The following PAX7 variants were observed in gnomAD, a reference collection of about 807,000 sequenced individuals.
The protein encoded by PAX7 is paired box protein Pax-7.
A neutral mutation model predicts 50.7 loss-of-function variants in PAX7; 18 were observed. The observed-to-expected ratio is 0.36, with a 90% CI of 0.25 to 0.53. PAX7 has a LOEUF of 0.53. PAX7 is among the 20% of genes least tolerant of loss of function. The probability of loss-of-function intolerance (pLI) is 0.93; values close to 1 mark genes in which losing one functional copy is unlikely to be tolerated. For synonymous variants in PAX7, 310 were observed against 290.4 expected, an observed-to-expected ratio of 1.07 and a Z score of -0.69; for missense variants, 644 against 702.9, an observed-to-expected ratio of 0.92 and a Z score of 0.95.
In PAX7 at chr1:18,700,543, T is replaced by G. The variant is rs868289035; in HGVS notation, c.787-110T>G. The stretch of plus-strand genomic sequence containing the variant: ...CACAATGCCGGGGCCTGCAGGAGGA[T>G]GCTGGCTGGATCAGAGGGTGATGGC... On this transcript the variant is annotated intron_variant, in intron 5 of 8. Transcript: ENST00000420770. This position sits in a 1 kb window ranked among gnomAD's most constrained non-coding sequence, Gnocchi z 4.8. 1 of 1,001,286 alleles carries G rather than the reference T, an allele frequency of 1.0e-6. No homozygotes were observed. Among genetic ancestry groups the G allele is most frequent in the African/African-American group, 1.7e-5 (1 of 59,396 alleles). 62.0% of individuals were successfully genotyped at this position (1,001,286 alleles called of 1,614,324 possible).
intron 7 of PAX7, among the ~76,000 whole-genome samples, chr1:18,712,408 TCTC>T (rs1320527042): frequency 6.6e-6 from 1 of 152,160 alleles, no homozygotes; most frequent in Non-Finnish European, 1.5e-5. Context: ...CAGAGCCTCT[TCTC>T]CTGTGAAAAT....
At chr1:18,720,147 G>A (rs1053750788) in intron 7 of PAX7, among the ~76,000 whole-genome samples, 15 of 152,184 alleles carry the variant, frequency 9.9e-5, no homozygotes, top group African/African-American at 3.4e-4. Flanking sequence ...GCACTTTAAC[G>A]AGGTCCCTCC....
intron 7 of PAX7, among the ~76,000 whole-genome samples, chr1:18,704,849 T>C (rs2089264158): frequency 6.6e-6 from 1 of 152,222 alleles, no homozygotes; most frequent in Admixed American, 6.5e-5. Context: ...GGGAAAACCC[T>C]TGAGTAAGTC....
intron 7 of PAX7, among the ~76,000 whole-genome samples, chr1:18,724,422 A>G (rs1291044506): frequency 6.6e-6 from 1 of 152,380 alleles, no homozygotes; most frequent in South Asian, 2.1e-4. Flanking sequence ...CACTGCGGGC[A>G]TGGTAGCTCA....
chr1:18,740,704 A>T (rs1931087103), intron 8 of PAX7, among the ~76,000 whole-genome samples: 1 of 152,236 alleles, frequency 6.6e-6, no homozygotes, highest in Non-Finnish European at 1.5e-5. Flanking sequence ...TCCCATGTTT[A>T]TTGCAAAACC....
intron 7 of PAX7, among the ~76,000 whole-genome samples, chr1:18,709,354 C>T (rs919452385): frequency 2.6e-5 from 4 of 152,194 alleles, no homozygotes; most frequent in Admixed American, 1.3e-4. Flanking sequence ...GAGCTTAAAA[C>T]GAAGGAAGCC....
chr1:18,746,832 A>C lies in PAX7; in HGVS notation c.*1903A>C, dbSNP rs763996791. On this transcript the variant is annotated 3_prime_UTR_variant, in exon 9 of 9. Transcript: ENST00000420770. ...TCTCATCTTCAGACTTGGCGATATC[A>C]AGCCTGTTCTGGACCATGACCAGGC... 1 of 231,566 alleles carries C rather than the reference A, an allele frequency of 4.3e-6. No individual in the cohort carries two copies. Among genetic ancestry groups the C allele is most frequent in the Non-Finnish European group, 8.5e-6 (1 of 117,048 alleles). The allele number at this position is 231,566 out of a possible 1,614,324, so 14.3% of individuals were successfully genotyped here.
intron 4 of PAX7, among the ~76,000 whole-genome samples, chr1:18,651,474 C>T (rs2088430133): frequency 6.6e-6 from 1 of 152,168 alleles, no homozygotes; most frequent in Non-Finnish European, 1.5e-5. Flanking sequence ...TGGGATATAA[C>T]TGTCTAGATT....
intron 4 of PAX7, among the ~76,000 whole-genome samples, chr1:18,653,376 C>T (rs1192907512): frequency 5.3e-5 from 8 of 152,032 alleles, no homozygotes; most frequent in African/African-American, 1.2e-4. Context: ...GTTGTTGCAA[C>T]GGTGCTGTGT....
At chr1:18,643,891 T>C (rs533999792) in intron 4 of PAX7, among the ~76,000 whole-genome samples, 1 of 151,774 alleles carries the variant, frequency 6.6e-6, no homozygotes, top group Non-Finnish European at 1.5e-5. Context: ...CCCGGGGCGC[T>C]GGGCAGGGGC....
At chr1:18,699,427 G>C (rs1400456277) in intron 5 of PAX7, among the ~76,000 whole-genome samples, 2 of 152,104 alleles carry the variant, frequency 1.3e-5, no homozygotes, top group African/African-American at 4.8e-5. Context: ...AGGGGAGAGG[G>C]AACAGCATGT....
intron 4 of PAX7, among the ~76,000 whole-genome samples, chr1:18,686,373 G>C (rs1393340397): frequency 1.3e-5 from 2 of 152,158 alleles, no homozygotes; most frequent in African/African-American, 4.8e-5. Flanking sequence ...AGCACCCCCT[G>C]GGACCATCCC....
Position 18,720,638 on chromosome 1 carries a change from G to A in PAX7, c.1156-14994G>A, listed in dbSNP as rs74056077. On this transcript the variant is annotated intron_variant, in intron 7 of 8. Coordinates refer to ENST00000420770, the MANE Select transcript of PAX7 (RefSeq NM_001135254.2). ...GGAGGTGGGCGCAGACGGACCCATG[G>A]AAAGAAGGGAGGTGGGTGTGGATGG... 4.0e-3 allele frequency among the ~76,000 whole-genome samples: 614 copies of A among 151,860 alleles called. 6 individuals carry two copies. The highest frequency in any genetic ancestry group is 0.013 in the African/African-American group (525 of 41,358).
chr1:18,642,119 C>A (rs2088265404), intron 4 of PAX7, among the ~76,000 whole-genome samples: 1 of 150,962 alleles, frequency 6.6e-6, no homozygotes, highest in Admixed American at 6.6e-5. Context: ...TGATAGTTGT[C>A]ACACATTACA....
rs1491076029 is a variant in PAX7, at chr1:18,700,116, G to GTT, written c.787-535_787-534dup. ...TGTGTGTGTGTGTGTGTGTGTGTGT[G>GTT]TTTCCTATTTCAAGGAGGCCCAGGG... On this transcript the variant is annotated intron_variant, in intron 5 of 8. Coordinates refer to ENST00000420770, the MANE Select transcript of PAX7 (RefSeq NM_001135254.2). This position sits in a 1 kb window ranked among gnomAD's most constrained non-coding sequence, Gnocchi z 4.8. 1.4e-5 allele frequency among the ~76,000 whole-genome samples: 2 copies of GTT among 141,806 alleles called. No individual in the cohort carries two copies. The highest frequency in any genetic ancestry group is 7.1e-5 in the Admixed American group (1 of 14,108). 93.0% of individuals were successfully genotyped at this position (141,806 alleles called of 152,430 possible).
At chr1:18,631,803 G>A in intron 1 of PAX7, 115 bp downstream of exon 1, 2 of 842,082 alleles carry the variant, frequency 2.4e-6, no homozygotes, top group East Asian at 2.7e-5. Context: ...GAGGGATCCC[G>A]TTCTCTTCTG....
chr1:18,741,455 GAAA>G (rs777793825), intron 8 of PAX7, among the ~76,000 whole-genome samples: 1 of 90,070 alleles, frequency 1.1e-5, no homozygotes, highest in South Asian at 4.1e-4. Context: ...GTCTCAAAAA[GAAA>G]AAAAAAAAGA....
Position 18,735,660 on chromosome 1 carries a change from C to G in PAX7, c.1184C>G (p.Ala395Gly). Residue 395 changes from alanine (A) to glycine (G), a missense_variant, in exon 8 of 9, where the codon GCG (alanine) becomes GGG (glycine). Transcript: ENST00000420770. This position sits in a 1 kb window ranked among gnomAD's most constrained non-coding sequence, Gnocchi z 4.0. ...QVMSILGNPS[A>G]VPPQPQADFS... ...ATGAGCATCTTGGGCAACCCCAGTG[C>G]GGTGCCCCCGCAGCCACAGGCTGAC... 1 of 1,613,664 alleles carries G rather than the reference C, an allele frequency of 6.2e-7. No individual in the cohort carries two copies.
intron 7 of PAX7, among the ~76,000 whole-genome samples, chr1:18,722,666 T>C (rs1204141839): frequency 1.3e-5 from 2 of 152,174 alleles, no homozygotes; most frequent in Non-Finnish European, 2.9e-5. Flanking sequence ...GGGCTGTCTC[T>C]GTTCCTTCTC....
Sources: allele counts gnomAD v4.1 joint callset (sites outside exome capture counted in the v4.1 genomes callset), GRCh38; gene constraint gnomAD v4.1.1; non-coding constraint Gnocchi (gnomAD v3.1); transcripts MANE v1.5; gene names NCBI Gene and HGNC (gene_info 2026-07-23, HGNC 2026-07-21).